Variants in OSBPL9 observed in about 807,000 individuals in gnomAD.
OSBPL9 encodes the protein oxysterol-binding protein-related protein 9.
Under a neutral mutation model 106.6 loss-of-function variants are expected in OSBPL9, and 40 were observed. The observed-to-expected ratio is 0.38, with a 90% CI of 0.29 to 0.49. The LOEUF (loss-of-function observed/expected upper bound fraction) is 0.49, where lower values mean the gene tolerates loss of function less well. Ranked by LOEUF, OSBPL9 falls within the 20% of genes least tolerant of loss-of-function variation. OSBPL9 has a pLI of 0.97. For synonymous variants in OSBPL9, 269 were observed against 295.4 expected, an observed-to-expected ratio of 0.91 and a Z score of 0.92; for missense variants, 609 against 887.2, an observed-to-expected ratio of 0.69 and a Z score of 3.98.
chr1:51,731,531 C>T (rs577646677), intron 4 of OSBPL9, among the ~76,000 whole-genome samples: 1 of 152,146 alleles, frequency 6.6e-6, no homozygotes, highest in East Asian at 1.9e-4. Context: ...AATCCCAGCA[C>T]TTTGGGAGGC....
chr1:51,671,166 T>TC, intron 3 of OSBPL9, among the ~76,000 whole-genome samples: 2 of 152,208 alleles, frequency 1.3e-5, no homozygotes, highest in African/African-American at 4.8e-5. Flanking sequence ...ATTGTAGTAG[T>TC]TATGGGAGTT....
At chr1:51,768,367 C>T (rs1204221792) in intron 12 of OSBPL9, among the ~76,000 whole-genome samples, 1 of 151,042 alleles carries the variant, frequency 6.6e-6, no homozygotes, top group East Asian at 1.9e-4. Flanking sequence ...GTGCCCACCA[C>T]CATGCCCAGC....
intron 2 of OSBPL9, among the ~76,000 whole-genome samples, chr1:51,605,878 G>A (rs370708057): frequency 1.1e-4 from 17 of 152,212 alleles, no homozygotes; most frequent in African/African-American, 3.9e-4. Flanking sequence ...CTACTCAGGA[G>A]GGTAGACAGG....
intron 20 of OSBPL9, 26 bp downstream of exon 20, chr1:51,784,608 T>A (rs1473657605): frequency 3.7e-6 from 6 of 1,607,312 alleles, no homozygotes; most frequent in Non-Finnish European, 4.3e-6. Context: ...GCCTTAGAGC[T>A]CTTATGCTTT....
intron 7 of OSBPL9, 27 bp downstream of exon 7, chr1:51,748,425 A>C (rs758145739): frequency 6.9e-7 from 1 of 1,457,076 alleles, no homozygotes; most frequent in Admixed American, 2.8e-5. Context: ...ATACATTCTG[A>C]CTTTGCATTA....
the OSBPL9 span, among the ~76,000 whole-genome samples, chr1:51,526,934 C>T: frequency 2.6e-5 from 4 of 151,840 alleles, no homozygotes; most frequent in Admixed American, 6.6e-5. Context: ...TTAGTAGAGA[C>T]GGGGTTTCAC....
chr1:51,692,866 C>T (rs890542078), intron 3 of OSBPL9, among the ~76,000 whole-genome samples: 2 of 151,878 alleles, frequency 1.3e-5, no homozygotes, highest in South Asian at 2.1e-4. Flanking sequence ...CAGTCCATGA[C>T]TGTATATGTT....
At chr1:51,748,273 A>G in intron 6 of OSBPL9, 96 bp from the exon 7 acceptor site, 3 of 1,422,156 alleles carry the variant, frequency 2.1e-6, no homozygotes, top group Non-Finnish European at 2.8e-6. Flanking sequence ...GAATGAGTAC[A>G]TTTTGGTAAA....
intron 1 of OSBPL9, among the ~76,000 whole-genome samples, chr1:51,595,819 C>T (rs1056572288): frequency 3.3e-5 from 5 of 152,084 alleles, no homozygotes; most frequent in Non-Finnish European, 7.4e-5. Flanking sequence ...TTATCATGCT[C>T]GCCTTACAGA....
intron 3 of OSBPL9, among the ~76,000 whole-genome samples, chr1:51,687,888 G>A (rs1654154745): frequency 6.6e-6 from 1 of 152,218 alleles, no homozygotes. Context: ...CCAGAGTGAA[G>A]AGAAGTGAGA....
In OSBPL9 at chr1:51,665,410, G is replaced by A. The variant is rs567931836; in HGVS notation, c.163-4024G>A. 7.8e-4 allele frequency among the ~76,000 whole-genome samples: 118 copies of A among 152,234 alleles called. 1 individual carries two copies. In the South Asian group the frequency reaches 0.023, roughly 29 times the overall value. On this transcript the variant is annotated intron_variant, in intron 2 of 23. Coordinates refer to ENST00000428468, the MANE Select transcript of OSBPL9 (RefSeq NM_024586.6). Reference sequence around the variant, plus strand: ...CTGCCAGCCTTGGCCTCCCAAAGTGGTGGGATTACAGGCATGAGCCACTGC... The same window carrying A: ...CTGCCAGCCTTGGCCTCCCAAAGTGATGGGATTACAGGCATGAGCCACTGC...
rs564682743 is a variant in OSBPL9 at position 51,772,639 on chromosome 1, T to C, written c.1086T>C (p.Asp362=). The C allele has an allele frequency of 2.5e-6, 4 of 1,614,098 alleles. No individual in the cohort carries two copies. In the African/African-American group the frequency reaches 5.3e-5, roughly 22 times the overall value. ...LFDSHDDRDD[D]AEAGSVEEHK... is the part of the protein sequence containing the mutation. Reference sequence around the variant, plus strand: ...ATTCACATGATGACAGAGATGATGATGCGGAGGCAGGGTCTGTGGAGGAGC... The same window carrying C: ...ATTCACATGATGACAGAGATGATGACGCGGAGGCAGGGTCTGTGGAGGAGC... The change falls in exon 14 of 24, where the codon GAT becomes GAC. Residue 362 remains aspartate, a synonymous_variant. Transcript: ENST00000428468.
intron 4 of OSBPL9, among the ~76,000 whole-genome samples, chr1:51,722,724 G>A (rs1662378293): frequency 6.6e-6 from 1 of 152,194 alleles, no homozygotes; most frequent in Admixed American, 6.5e-5. Context: ...AGCAATGGTG[G>A]CCTTGATCAT....
intron 2 of OSBPL9, among the ~76,000 whole-genome samples, chr1:51,606,975 G>A (rs1384029935): frequency 2.6e-5 from 4 of 151,706 alleles, no homozygotes; most frequent in Non-Finnish European, 4.4e-5. Context: ...GCGTGAACCC[G>A]GGAGGCGGAG....
intron 4 of OSBPL9, among the ~76,000 whole-genome samples, chr1:51,741,830 A>T (rs1666992208): frequency 6.6e-6 from 1 of 152,158 alleles, no homozygotes; most frequent in Non-Finnish European, 1.5e-5. Flanking sequence ...CTTTAAATGA[A>T]TTCATACAGG....
intron 3 of OSBPL9, chr1:51,709,980 G>C (rs1223346957): frequency 6.6e-6 from 1 of 152,310 alleles, no homozygotes; most frequent in East Asian, 1.9e-4. Context: ...TGGCAACCCA[G>C]AGAATCATGT....
Position 51,665,871 on chromosome 1 carries a change from T to TA in OSBPL9, c.163-3563_163-3562insA, listed in dbSNP as rs1304683045. Reference sequence around the variant, plus strand: ...GAAATGTTTTGTGTATATATATATATTTTTTTAGAGTCTCGCTCTGTCACC... The same window carrying TA: ...GAAATGTTTTGTGTATATATATATATATTTTTTAGAGTCTCGCTCTGTCACC... On this transcript the variant is annotated intron_variant, in intron 2 of 23. Transcript: ENST00000428468. Among the ~76,000 whole-genome samples the TA allele has an allele frequency of 7.9e-5, 12 of 152,190 alleles. No homozygotes were observed. In the East Asian group the frequency reaches 1.7e-3, roughly 22 times the overall value.
chr1:51,717,580 A>G (rs1179689315), intron 4 of OSBPL9, among the ~76,000 whole-genome samples: 4 of 152,134 alleles, frequency 2.6e-5, no homozygotes, highest in Non-Finnish European at 5.9e-5. Context: ...TACAAATGGC[A>G]AGGAGGTATA....
chr1:51,535,258 A>G, the OSBPL9 span, among the ~76,000 whole-genome samples: 1 of 152,132 alleles, frequency 6.6e-6, no homozygotes, highest in African/African-American at 2.4e-5. Context: ...TTTTCAGAAG[A>G]ACTCTAGGCA....
Sources: gnomAD v4.1 joint callset for allele counts (sites outside exome capture counted in the v4.1 genomes callset) on GRCh38, gnomAD v4.1.1 for gene constraint, MANE v1.5 for transcripts, NCBI Gene and HGNC (gene_info 2026-07-23, HGNC 2026-07-21) for gene names.